Variants in ESAM observed in about 807,000 individuals in gnomAD.
The protein encoded by ESAM is endothelial cell adhesion molecule, also known as endothelial cell-selective adhesion molecule.
In ESAM, 23 loss-of-function variants were observed where a neutral mutation model predicts 31.8. The ratio of observed to expected loss-of-function variants is 0.72; its 90% CI spans 0.52 to 1.03. The LOEUF (loss-of-function observed/expected upper bound fraction) is 1.03. Among genes scored for constraint, ESAM ranks in the 50% least tolerant of loss-of-function variants. The probability of loss-of-function intolerance (pLI) is 0.00; values close to 1 mark genes in which losing one functional copy is unlikely to be tolerated. For missense variants in ESAM, 478 were observed against 488.9 expected, an observed-to-expected ratio of 0.98 and a Z score of 0.21; for synonymous variants, 216 against 207.2, an observed-to-expected ratio of 1.04 and a Z score of -0.37.
intron 4 of ESAM, 102 bp downstream of exon 4, chr11:124,756,105 G>T: frequency 1.3e-6 from 2 of 1,505,314 alleles, no homozygotes; most frequent in Non-Finnish European, 1.8e-6. Flanking sequence ...CCTCCCCAGT[G>T]CTTGTCAGCC....
At chr11:124,761,986 G>A in intron 1 of ESAM, 99 bp downstream of exon 1, 1 of 1,076,176 alleles carries the variant, frequency 9.3e-7, no homozygotes, top group African/African-American at 1.6e-5. Flanking sequence ...AGGGCGAGTC[G>A]TGGGACCCAG....
Position 124,758,397 on chromosome 11 carries a change from C to T in ESAM, c.201G>A (p.Glu67=), listed in dbSNP as rs923957721. 1 of 1,614,212 alleles carries T rather than the reference C, an allele frequency of 6.2e-7. No individual in the cohort carries two copies. Among genetic ancestry groups the T allele is most frequent in the African/African-American group, 1.3e-5 (1 of 75,066 alleles). ...TGAAGAACCACATCACAAAGGGCAC[C>T]TCCCATGGCTGGGATGAAGACACCT... is the stretch of plus-strand genomic sequence containing the variant. The part of the protein sequence containing the change: ...HGEVSSSQPW[E]VPFVMWFFKQ... Residue 67 remains glutamate, a synonymous_variant, in exon 2 of 7, where the codon GAG becomes GAA. Coordinates refer to ENST00000278927, the MANE Select transcript of ESAM (RefSeq NM_138961.3).
intron 2 of ESAM, chr11:124,757,258 C>A: frequency 6.3e-6 from 1 of 159,526 alleles, no homozygotes; most frequent in Non-Finnish European, 1.4e-5. Context: ...CGGTGAAACA[C>A]AGTCTCTACA....
rs1423602396 is a variant in ESAM, at chr11:124,759,839, C to A, written c.71-1312G>T. On this transcript the variant is annotated intron_variant, in intron 1 of 6. Coordinates refer to ENST00000278927, the MANE Select transcript of ESAM (RefSeq NM_138961.3). This position sits in a 1 kb window ranked among gnomAD's most constrained non-coding sequence, Gnocchi z 6.8. ...GGGGGCCACTAGACCGGAGGCTCTA[C>A]GGGAGGAAACAATCCCCGCCTCAAG... Among the ~76,000 whole-genome samples, 1 of 152,190 alleles carries A rather than the reference C, an allele frequency of 6.6e-6. No homozygotes were observed. Among genetic ancestry groups the A allele is most frequent in the African/African-American group, 2.4e-5 (1 of 41,458 alleles).
chr11:124,755,408 A>AAAATAAAT (rs201044344), intron 4 of ESAM, among the ~76,000 whole-genome samples: 3 of 151,862 alleles, frequency 2.0e-5, no homozygotes, highest in African/African-American at 7.3e-5. Context: ...TAATAAAATA[A>AAAATAAAT]AAATAAATAA....
rs768735219 is a variant in ESAM, at chr11:124,754,666, A to G, written c.705T>C (p.Cys235=). 6.2e-7 allele frequency: 1 copy of G among 1,613,876 alleles called. No individual in the cohort carries two copies. The highest frequency in any genetic ancestry group is 1.1e-5 in the South Asian group (1 of 91,032). Residue 235 remains cysteine, a synonymous_variant, in exon 5 of 7, where the codon TGT becomes TGC. Coordinates refer to ENST00000278927, the MANE Select transcript of ESAM (RefSeq NM_138961.3). This position sits in a 1 kb window ranked among gnomAD's most constrained non-coding sequence, Gnocchi z 4.5. ...KAHNEVGTAQ[C]NVTLEVSTGP... is the part of the protein sequence containing the mutation. ...CTGTGCTCACTTCCAGCGTCACATT[A>G]CATTGGGCAGTGCCCACCTCATTGT...
At position 124,753,416 on chromosome 11, in the gene ESAM, T is replaced by G; in HGVS notation, c.*230A>C. 1 of 545,162 alleles carries G rather than the reference T, an allele frequency of 1.8e-6. No homozygotes were observed. Among genetic ancestry groups the G allele is most frequent in the Admixed American group, 3.4e-5 (1 of 29,022 alleles). The allele number at this position is 545,162 out of a possible 1,614,324, so 33.8% of individuals were successfully genotyped here. On this transcript the variant is annotated 3_prime_UTR_variant, in exon 7 of 7. Coordinates refer to ENST00000278927, the MANE Select transcript of ESAM (RefSeq NM_138961.3). The stretch of plus-strand genomic sequence containing the variant: ...CAGCAGCTGGCTTCATAAGGAGGAG[T>G]CAGGGGTGGGTGGAGGCTCCTCCCA...
At position 124,754,490 on chromosome 11, in the gene ESAM, G is replaced by T; in HGVS notation, c.731-150C>A. The T allele has an allele frequency of 6.7e-7, 1 of 1,499,380 alleles. No individual in the cohort carries two copies. Among genetic ancestry groups the T allele is most frequent in the Non-Finnish European group, 9.0e-7 (1 of 1,114,912 alleles). The allele number at this position is 1,499,380 out of a possible 1,614,324, so 92.9% of individuals were successfully genotyped here. On this transcript the variant is annotated intron_variant, in intron 5 of 6. Coordinates refer to ENST00000278927, the MANE Select transcript of ESAM (RefSeq NM_138961.3). The surrounding 1 kb of genome is among the most constrained non-coding windows in gnomAD (Gnocchi z 4.5). ...GTGGCTGTTGAGCAGGAAATGACCAGTCACTGACCAACCATTTGTACAAAC... is the reference window on the plus strand; with the variant it reads ...GTGGCTGTTGAGCAGGAAATGACCATTCACTGACCAACCATTTGTACAAAC...
intron 1 of ESAM, among the ~76,000 whole-genome samples, chr11:124,760,490 C>A (rs1235168595): frequency 6.6e-6 from 1 of 152,266 alleles, no homozygotes; most frequent in Non-Finnish European, 1.5e-5. Context: ...GGGCTTCTCA[C>A]GCCCCAGGGG....
rs1435236400 is a variant in ESAM, at chr11:124,762,193, G to A, written c.-39C>T. The A allele has an allele frequency of 6.5e-7, 1 of 1,549,262 alleles. No homozygotes were observed. The highest frequency in any genetic ancestry group is 2.4e-5 in the East Asian group (1 of 42,410). On this transcript the variant is annotated 5_prime_UTR_variant, in exon 1 of 7. Coordinates refer to ENST00000278927, the MANE Select transcript of ESAM (RefSeq NM_138961.3). The surrounding 1 kb of genome is among the most constrained non-coding windows in gnomAD (Gnocchi z 6.4). Reference sequence around the variant, plus strand: ...CGGGACGGAGTCAGGGGCGCCAGCCGCGGGACGCACGGACCTGCAGGTGCC... The same window carrying A: ...CGGGACGGAGTCAGGGGCGCCAGCCACGGGACGCACGGACCTGCAGGTGCC...
rs2298488 is a variant in ESAM at position 124,754,123 on chromosome 11, C to G, written c.857+91G>C. 9.6e-6 allele frequency: 15 copies of G among 1,565,174 alleles called. No homozygotes were observed. In the East Asian group the frequency reaches 3.1e-4, roughly 33 times the overall value. On this transcript the variant is annotated intron_variant, in intron 6 of 6. Transcript: ENST00000278927. This position sits in a 1 kb window ranked among gnomAD's most constrained non-coding sequence, Gnocchi z 4.5. ...AGGAATGATGTTTCAGCCACTGACC[C>G]CATCCCAATAGATGAGAGCTGCCTG...
chr11:124,753,650 A>G lies in ESAM; in HGVS notation c.1169T>C (p.Val390Ala). 6.2e-7 allele frequency: 1 copy of G among 1,613,560 alleles called. No individual in the cohort carries two copies. The highest frequency in any genetic ancestry group is 1.1e-5 in the South Asian group (1 of 91,078). The change falls in exon 7 of 7, where the codon GTA (valine) becomes GCA (alanine). Residue 390 changes from valine (V) to alanine (A), a missense_variant. Physicochemically the swap from Val to Ala is moderately conservative, Grantham distance 64. Transcript: ENST00000278927. ...AGCCAATGAGTGGTGGGGTCATCAT[A>G]CCAGAGAGCCAGCTTGACTCTGGGC... ...VPAQSQAGSL[V>A]
intron 4 of ESAM, among the ~76,000 whole-genome samples, chr11:124,755,267 G>A (rs1944140339): frequency 6.6e-6 from 1 of 152,124 alleles, no homozygotes; most frequent in Admixed American, 6.5e-5. Flanking sequence ...AGGGGGGAGG[G>A]ATAGCATTAG....
At chr11:124,758,250 C>G in intron 2 of ESAM, 99 bp downstream of exon 2, 6 of 1,378,786 alleles carry the variant, frequency 4.4e-6, no homozygotes, top group African/African-American at 1.4e-5. Context: ...CCTTCCCCGG[C>G]CCCCATTCCC....
rs755041593 is a variant in ESAM, at chr11:124,754,808, T to C, written c.608-45A>G. On this transcript the variant is annotated intron_variant, in intron 4 of 6. Coordinates refer to ENST00000278927, the MANE Select transcript of ESAM (RefSeq NM_138961.3). This position sits in a 1 kb window ranked among gnomAD's most constrained non-coding sequence, Gnocchi z 4.5. The stretch of plus-strand genomic sequence containing the variant: ...ATCAGTCCAGGGACCCTCTTTCCCA[T>C]TAAAAAAAAAAAAAAATCTTGTCCC... 9.2e-6 allele frequency: 14 copies of C among 1,518,904 alleles called. No homozygotes were observed. Among genetic ancestry groups the C allele is most frequent in the Non-Finnish European group, 1.2e-5 (14 of 1,141,288 alleles). The allele number at this position is 1,518,904 out of a possible 1,614,324, so 94.1% of individuals were successfully genotyped here.
rs1057010233 is a variant in ESAM at position 124,759,819 on chromosome 11, C to A, written c.71-1292G>T. On this transcript the variant is annotated intron_variant, in intron 1 of 6. Transcript: ENST00000278927. The surrounding 1 kb of genome is among the most constrained non-coding windows in gnomAD (Gnocchi z 6.8). Reference sequence around the variant, plus strand: ...AAGGCAGAAGACAATGAAGGGGGGGCCACTAGACCGGAGGCTCTACGGGAG... The same window carrying A: ...AAGGCAGAAGACAATGAAGGGGGGGACACTAGACCGGAGGCTCTACGGGAG... Among the ~76,000 whole-genome samples the A allele has an allele frequency of 6.6e-6, 1 of 152,164 alleles. No homozygotes were observed. The highest frequency in any genetic ancestry group is 1.5e-5 in the Non-Finnish European group (1 of 68,008).
chr11:124,754,753 AC>A lies in ESAM; in HGVS notation c.617del (p.Arg206LeufsTer4). 5 of 1,612,572 alleles carry A rather than the reference AC, an allele frequency of 3.1e-6. No individual in the cohort carries two copies. In the South Asian group the frequency reaches 5.5e-5, roughly 18 times the overall value. ...TFFAPALDVI[R>X]GSLSLTNLSS... is the part of the protein sequence containing the mutation. ...AAAGGTTGGTGAGGCTTAAAGACCC[AC>A]GGATGACATCTGTGGACACAATTTA... On this transcript the variant is annotated frameshift_variant, in exon 5 of 7. Transcript: ENST00000278927. LOFTEE classifies it high-confidence loss of function. This position sits in a 1 kb window ranked among gnomAD's most constrained non-coding sequence, Gnocchi z 4.5.
intron 3 of ESAM, 42 bp from the exon 4 acceptor site, chr11:124,756,404 C>G: frequency 6.4e-7 from 1 of 1,570,904 alleles, no homozygotes; most frequent in Non-Finnish European, 8.6e-7. Flanking sequence ...CCAGGAGACC[C>G]ACAGATCCTC....
At chr11:124,756,003 TA>T (rs1246519857) in intron 4 of ESAM, among the ~76,000 whole-genome samples, 6 of 152,216 alleles carry the variant, frequency 3.9e-5, no homozygotes, top group Non-Finnish European at 8.8e-5. Context: ...GCCTGTTTCA[TA>T]ACAGTATACA....
Sources: allele counts gnomAD v4.1 joint callset (sites outside exome capture counted in the v4.1 genomes callset), GRCh38; gene constraint gnomAD v4.1.1; non-coding constraint Gnocchi (gnomAD v3.1); transcripts MANE v1.5; gene names NCBI Gene and HGNC (gene_info 2026-07-23, HGNC 2026-07-21).